DAAM1: variants seen among roughly 807,000 people sequenced by gnomAD.
The protein encoded by DAAM1 is disheveled-associated activator of morphogenesis 1.
Under a neutral mutation model 130.0 loss-of-function variants are expected in DAAM1, and 52 were observed. The ratio of observed to expected loss-of-function variants is 0.40; its 90% CI spans 0.32 to 0.50. The LOEUF (loss-of-function observed/expected upper bound fraction) is 0.50, where lower values mean the gene tolerates loss of function less well. Ranked by LOEUF, DAAM1 falls within the 20% of genes least tolerant of loss-of-function variation. The pLI, the probability that DAAM1 is intolerant of heterozygous loss-of-function variation, is 0.61. For synonymous variants in DAAM1, 452 were observed against 444.5 expected, an observed-to-expected ratio of 1.02 and a Z score of -0.21; for missense variants, 1,134 against 1,303.8, an observed-to-expected ratio of 0.87 and a Z score of 2.01.
intron 1 of DAAM1, among the ~76,000 whole-genome samples, chr14:59,240,284 A>T (rs1365753478): frequency 6.6e-6 from 1 of 152,128 alleles, no homozygotes; most frequent in East Asian, 1.9e-4. Context: ...ATATCTTCCT[A>T]TCACGCATAT....
chr14:59,276,175 C>T (rs1161229129), intron 2 of DAAM1, among the ~76,000 whole-genome samples: 3 of 152,138 alleles, frequency 2.0e-5, no homozygotes, highest in Non-Finnish European at 2.9e-5. Context: ...GCTTCTTTGG[C>T]AATTCATGAT....
intron 3 of DAAM1, 75 bp from the exon 4 acceptor site, chr14:59,315,205 C>A: frequency 1.5e-6 from 2 of 1,332,248 alleles, no homozygotes; most frequent in South Asian, 1.2e-5. Flanking sequence ...TCTGGGTGCT[C>A]TGGAAGTCGG....
chr14:59,368,614 A>C, intron 24 of DAAM1, 36 bp from the exon 25 acceptor site: 1 of 1,586,188 alleles, frequency 6.3e-7, no homozygotes, highest in Non-Finnish European at 8.6e-7. Context: ...CAACATTTTG[A>C]CATGTCTCAA....
intron 16 of DAAM1, among the ~76,000 whole-genome samples, chr14:59,344,147 T>C (rs1885970412): frequency 6.6e-6 from 1 of 152,126 alleles, no homozygotes; most frequent in Non-Finnish European, 1.5e-5. Context: ...CTGCCGTTCT[T>C]TTTTTCCAGA....
At chr14:59,262,862 A>G (rs1406071664) in intron 1 of DAAM1, among the ~76,000 whole-genome samples, 15 of 152,240 alleles carry the variant, frequency 9.9e-5, no homozygotes, top group Non-Finnish European at 1.0e-4. Flanking sequence ...TGTGCAGGGC[A>G]CTAGGCCCAC....
Position 59,324,457 on chromosome 14 carries a change from A to G in DAAM1, c.989+3A>G. ...CACGAAAATTCAACATTAGATAGGT[A>G]AGTCAGACTATTATGATGTGAGAAA... On this transcript the variant is annotated splice_donor_region_variant and intron_variant, in intron 8 of 24. Coordinates refer to ENST00000360909, the MANE Select transcript of DAAM1 (RefSeq NM_001270520.2). 12 of 1,551,736 alleles carry G rather than the reference A, an allele frequency of 7.7e-6. No homozygotes were observed. The highest frequency in any genetic ancestry group is 1.0e-5 in the Non-Finnish European group (12 of 1,144,308).
chr14:59,278,980 A>G (rs1451949288), intron 2 of DAAM1, among the ~76,000 whole-genome samples: 1 of 151,916 alleles, frequency 6.6e-6, no homozygotes, highest in African/African-American at 2.4e-5. Flanking sequence ...ACAAAGCTGT[A>G]TTTTTTCTAC....
At chr14:59,271,739 C>G (rs982304492) in intron 2 of DAAM1, among the ~76,000 whole-genome samples, 3 of 152,160 alleles carry the variant, frequency 2.0e-5, no homozygotes, top group African/African-American at 7.2e-5. Context: ...CATAATTTCT[C>G]TTATGACCGA....
chr14:59,243,000 A>G (rs1174790015), intron 1 of DAAM1, among the ~76,000 whole-genome samples: 5 of 152,230 alleles, frequency 3.3e-5, no homozygotes, highest in African/African-American at 4.8e-5. Flanking sequence ...TATTCATTAT[A>G]TAATGTGATG....
At chr14:59,367,688 G>A in intron 24 of DAAM1, 89 bp downstream of exon 24, 3 of 1,463,326 alleles carry the variant, frequency 2.1e-6, no homozygotes, top group Non-Finnish European at 2.7e-6. Context: ...ACTCTGACCT[G>A]GCAGGAAGGA....
chr14:59,259,362 G>A (rs1477409761), intron 1 of DAAM1, among the ~76,000 whole-genome samples: 2 of 152,208 alleles, frequency 1.3e-5, no homozygotes. Context: ...AAGACTGCCT[G>A]AAAGAGATAG....
chr14:59,359,555 TA>T (rs1427606992), intron 21 of DAAM1, 51 bp downstream of exon 21: 22 of 1,446,494 alleles, frequency 1.5e-5, no homozygotes, highest in Non-Finnish European at 2.0e-5. Flanking sequence ...GATTGTGTGT[TA>T]GCCATTGAGG....
At chr14:59,226,899 G>C (rs1157705155) in intron 1 of DAAM1, among the ~76,000 whole-genome samples, 2 of 152,130 alleles carry the variant, frequency 1.3e-5, no homozygotes, top group East Asian at 3.9e-4. Context: ...ACATAGGTTG[G>C]CATTGCCCAA....
intron 1 of DAAM1, among the ~76,000 whole-genome samples, chr14:59,253,264 A>G (rs1392023395): frequency 1.3e-5 from 2 of 152,174 alleles, no homozygotes; most frequent in South Asian, 2.1e-4. Context: ...TGTTATTTGA[A>G]CTTGTGTTGC....
At chr14:59,196,465 C>T (rs1303152602) in intron 1 of DAAM1, among the ~76,000 whole-genome samples, 1 of 152,140 alleles carries the variant, frequency 6.6e-6, no homozygotes, top group African/African-American at 2.4e-5. Context: ...AGAAATGGGC[C>T]GGGTGCGGTG....
At chr14:59,243,795 G>T (rs1243173057) in intron 1 of DAAM1, among the ~76,000 whole-genome samples, 1 of 152,102 alleles carries the variant, frequency 6.6e-6, no homozygotes, top group East Asian at 1.9e-4. Flanking sequence ...TATTTGTAGT[G>T]GGAGAACAAT....
chr14:59,315,391 T>C, intron 4 of DAAM1, 40 bp downstream of exon 4: 1 of 1,586,668 alleles, frequency 6.3e-7, no homozygotes, highest in Non-Finnish European at 8.6e-7. Context: ...CTGTTTAAAA[T>C]GCAAGTGTAG....
intron 17 of DAAM1, among the ~76,000 whole-genome samples, chr14:59,348,414 A>G (rs1886163521): frequency 6.6e-6 from 1 of 152,034 alleles, no homozygotes; most frequent in Non-Finnish European, 1.5e-5. Flanking sequence ...AGGGATTTTC[A>G]CCTGTCTCTG....
chr14:59,220,388 A>G (rs1403022291), intron 1 of DAAM1, among the ~76,000 whole-genome samples: 1 of 152,178 alleles, frequency 6.6e-6, no homozygotes, highest in Non-Finnish European at 1.5e-5. Context: ...ATTTTTGCCA[A>G]CATTTAAGGG....
Sources: allele counts gnomAD v4.1 joint callset (sites outside exome capture counted in the v4.1 genomes callset), GRCh38; gene constraint gnomAD v4.1.1; transcripts MANE v1.5; gene names NCBI Gene and HGNC (gene_info 2026-07-23, HGNC 2026-07-21).